Variants in RBFOX3 observed in about 807,000 individuals in gnomAD.
The protein encoded by RBFOX3 is RNA binding fox-1 homolog 3.
RBFOX3 carries 17 observed loss-of-function variants against 48.7 expected under a neutral mutation model. The observed-to-expected ratio is 0.35, with a 90% CI of 0.24 to 0.52. The LOEUF (loss-of-function observed/expected upper bound fraction) is 0.52, where lower values mean the gene tolerates loss of function less well. Ranked by LOEUF, RBFOX3 falls within the 20% of genes least tolerant of loss-of-function variation. The pLI is 0.94. For synonymous variants in RBFOX3, 212 were observed against 209.5 expected (o/e 1.01, Z -0.10); for missense variants, 382 against 497.5 (o/e 0.77, Z 2.21).
At chr17:79,187,220 A>C (rs74001649) in intron 4 of RBFOX3, among the ~76,000 whole-genome samples, 15,598 of 152,260 alleles carry the variant, frequency 0.1, 823 homozygotes, top group South Asian at 0.12. Context: ...CAAGGTGGCA[A>C]GTGGCAAATC....
chr17:79,328,632 T>C (rs1568050179), intron 2 of RBFOX3, among the ~76,000 whole-genome samples: 1 of 152,192 alleles, frequency 6.6e-6, no homozygotes, highest in Admixed American at 6.5e-5. Context: ...TCGCAGGCAC[T>C]GGCTGAGTGC....
intron 4 of RBFOX3, among the ~76,000 whole-genome samples, chr17:79,189,553 G>A (rs1599882198): frequency 2.0e-5 from 3 of 152,192 alleles, no homozygotes; most frequent in African/African-American, 2.4e-5. Context: ...CAATTATCTC[G>A]AATTTCCTCT....
At chr17:79,611,183 T>TCTCTCTCTCTCTCTC (rs2093965331), upstream of RBFOX3, among the ~76,000 whole-genome samples, 4 of 41,494 alleles carry the variant, frequency 9.6e-5, no homozygotes, top group African/African-American at 7.7e-4. Flanking sequence ...TCCGCCCTCC[T>TCTCTCTCTCTCTCTC]TCTCTCTCTC....
At chr17:79,559,668 T>C (rs1448274326) in intron 1 of RBFOX3, among the ~76,000 whole-genome samples, 2 of 101,434 alleles carry the variant, frequency 2.0e-5, no homozygotes, top group Non-Finnish European at 4.1e-5. Context: ...GATGGGTGGG[T>C]GGGTGGATGG....
chr17:79,498,830 TG>T (rs1568347894), intron 1 of RBFOX3, among the ~76,000 whole-genome samples: 1 of 138,826 alleles, frequency 7.2e-6, no homozygotes, highest in Non-Finnish European at 1.6e-5. Context: ...CATCCACTCA[TG>T]CACCCATCCT....
In RBFOX3 at chr17:79,392,371, T is replaced by G. The variant is rs902802049; in HGVS notation, c.-174-84547A>C. On this transcript the variant is annotated intron_variant, in intron 2 of 14. Transcript: ENST00000693108. The surrounding 1 kb of genome is among the most constrained non-coding windows in gnomAD (Gnocchi z 5.0). Reference sequence around the variant, plus strand: ...GGCACGTGATTTCACCGTCTTTCATTGTGGAGTTGTGAAGATTCATAAGCT... The same window carrying G: ...GGCACGTGATTTCACCGTCTTTCATGGTGGAGTTGTGAAGATTCATAAGCT... Among the ~76,000 whole-genome samples, 2 of 152,170 alleles carry G rather than the reference T, an allele frequency of 1.3e-5. No individual in the cohort carries two copies. Among genetic ancestry groups the G allele is most frequent in the Non-Finnish European group, 2.9e-5 (2 of 68,028 alleles).
chr17:79,588,854 G>C (rs1372838296), intron 1 of RBFOX3, among the ~76,000 whole-genome samples: 2 of 151,510 alleles, frequency 1.3e-5, no homozygotes, highest in African/African-American at 2.4e-5. Flanking sequence ...CCTGAGCTTG[G>C]GCCTGGGCCC....
chr17:79,480,643 G>C lies in RBFOX3; in HGVS notation c.-175+1811C>G, dbSNP rs1247315492. The stretch of plus-strand genomic sequence containing the variant: ...TGCTACTTCTCCAGCATGCCCACAC[G>C]TTGCTGCCTCGGCGCCTTGGCACTG... On this transcript the variant is annotated intron_variant, in intron 2 of 14. Coordinates refer to ENST00000693108, the MANE Select transcript of RBFOX3 (RefSeq NM_001350451.2). This position sits in a 1 kb window ranked among gnomAD's most constrained non-coding sequence, Gnocchi z 4.8. Among the ~76,000 whole-genome samples, 3 of 152,080 alleles carry C rather than the reference G, an allele frequency of 2.0e-5. No individual in the cohort carries two copies. Among genetic ancestry groups the C allele is most frequent in the Non-Finnish European group, 4.4e-5 (3 of 68,022 alleles).
intron 4 of RBFOX3, among the ~76,000 whole-genome samples, chr17:79,161,316 G>A (rs1239243782): frequency 2.0e-5 from 3 of 152,186 alleles, no homozygotes; most frequent in African/African-American, 7.2e-5. Flanking sequence ...GGGATGCTGA[G>A]AGGCCCCATG....
intron 4 of RBFOX3, among the ~76,000 whole-genome samples, chr17:79,177,205 C>T (rs976417896): frequency 1.4e-5 from 2 of 141,332 alleles, no homozygotes; most frequent in African/African-American, 6.3e-5. Context: ...CTGGCCTCCT[C>T]CTCTCCCCCC....
At chr17:79,612,898 C>T (rs386829740), upstream of RBFOX3, among the ~76,000 whole-genome samples, 1,891 of 152,314 alleles carry the variant, frequency 0.012, 27 homozygotes, top group East Asian at 0.057. Context: ...CTGTCGGTCC[C>T]GCTTGTCCCT....
intron 3 of RBFOX3, among the ~76,000 whole-genome samples, chr17:79,291,484 T>A (rs550236151): frequency 1.4e-4 from 22 of 152,174 alleles, no homozygotes; most frequent in Non-Finnish European, 2.8e-4. Context: ...TTTATTGAAG[T>A]CTTGCAAAAG....
intron 2 of RBFOX3, among the ~76,000 whole-genome samples, chr17:79,413,694 G>A (rs958376075): frequency 2.6e-5 from 4 of 152,196 alleles, no homozygotes; most frequent in African/African-American, 7.2e-5. Context: ...CAGAGGGGAG[G>A]GGGCTGGAAG....
At chr17:79,230,269 TA>T (rs1444947146) in intron 4 of RBFOX3, among the ~76,000 whole-genome samples, 8 of 152,198 alleles carry the variant, frequency 5.3e-5, no homozygotes, top group Non-Finnish European at 1.0e-4. Context: ...TTTATTTATT[TA>T]TTTTTTTGAG....
chr17:79,313,999 G>A (rs781106698), intron 2 of RBFOX3, among the ~76,000 whole-genome samples: 1 of 152,168 alleles, frequency 6.6e-6, no homozygotes, highest in Non-Finnish European at 1.5e-5. Context: ...ACTGGCCTGG[G>A]GGCTCAGGTA....
chr17:79,356,529 C>T (rs1439811827), intron 2 of RBFOX3, among the ~76,000 whole-genome samples: 3 of 151,592 alleles, frequency 2.0e-5, no homozygotes, highest in African/African-American at 4.8e-5. Context: ...ACACCATGTC[C>T]AGCTAATTTT....
intron 2 of RBFOX3, among the ~76,000 whole-genome samples, chr17:79,424,337 C>G (rs534495587): frequency 1.3e-4 from 20 of 152,266 alleles, no homozygotes; most frequent in Admixed American, 1.0e-3. Context: ...AGGGGATGGA[C>G]AAGGAAGTCC....
At position 79,475,706 on chromosome 17, in the gene RBFOX3, A is replaced by G. The variant is rs528868042; in HGVS notation, c.-175+6748T>C. On this transcript the variant is annotated intron_variant, in intron 2 of 14. Coordinates refer to ENST00000693108, the MANE Select transcript of RBFOX3 (RefSeq NM_001350451.2). ...TACACACACAAATGCACACACACAC[A>G]GGAAGGTCGTGCGCGACAGGATACA... 2.8e-3 allele frequency among the ~76,000 whole-genome samples: 427 copies of G among 152,316 alleles called. 1 individual carries two copies. The highest frequency in any genetic ancestry group is 4.9e-3 in the Non-Finnish European group (330 of 68,026).
At chr17:79,340,851 T>C (rs1184439572) in intron 2 of RBFOX3, among the ~76,000 whole-genome samples, 1 of 152,210 alleles carries the variant, frequency 6.6e-6, no homozygotes, top group Non-Finnish European at 1.5e-5. Context: ...GGTGTATTTA[T>C]AAACAACTGT....
Sources: allele counts gnomAD v4.1 joint callset (sites outside exome capture counted in the v4.1 genomes callset), GRCh38; gene constraint gnomAD v4.1.1; non-coding constraint Gnocchi (gnomAD v3.1); transcripts MANE v1.5; gene names NCBI Gene and HGNC (gene_info 2026-07-23, HGNC 2026-07-21).